Variants in OXNAD1 observed in about 807,000 individuals in gnomAD.
OXNAD1 encodes oxidoreductase NAD binding domain containing 1.
In OXNAD1, 34 loss-of-function variants were observed where a neutral mutation model predicts 32.9. That is an observed-to-expected ratio of 1.03 (90% CI 0.79 to 1.38). The LOEUF (loss-of-function observed/expected upper bound fraction) is 1.38. Among genes scored for constraint, OXNAD1 ranks in the 40% most tolerant of loss-of-function variants. The probability of loss-of-function intolerance (pLI) is 0.00; values close to 1 mark genes in which losing one functional copy is unlikely to be tolerated. For missense variants in OXNAD1, 407 were observed against 379.4 expected (o/e 1.07, Z -0.60); for synonymous variants, 134 against 135.2 (o/e 0.99, Z 0.06).
chr3:16,344,883 C>A lies in OXNAD1; in HGVS notation c.*31-4293C>A, dbSNP rs544210690. On this transcript the variant is annotated intron_variant, in intron 9 of 9. Transcript: ENST00000606098. The surrounding 1 kb of genome is among the most constrained non-coding windows in gnomAD (Gnocchi z 4.4). ...CATAACTACAAGAACACCCCCCAAC[C>A]TTTTATGCTCACTGATTTAATATAC... 2.3e-4 allele frequency among the ~76,000 whole-genome samples: 35 copies of A among 152,330 alleles called. No individual in the cohort carries two copies. Among genetic ancestry groups the A allele is most frequent in the African/African-American group, 8.4e-4 (35 of 41,568 alleles).
At chr3:16,281,125 T>C (rs1344014409) in intron 4 of OXNAD1, among the ~76,000 whole-genome samples, 2 of 152,226 alleles carry the variant, frequency 1.3e-5, no homozygotes, top group Non-Finnish European at 2.9e-5. Context: ...GTAAAATAAA[T>C]ATGTGGTCTT....
Position 16,301,737 on chromosome 3 carries a change from A to C in OXNAD1, c.544A>C (p.Asn182His). The C allele has an allele frequency of 6.2e-7, 1 of 1,614,042 alleles. No individual in the cohort carries two copies. The highest frequency in any genetic ancestry group is 8.5e-7 in the Non-Finnish European group (1 of 1,179,984). The change falls in exon 7 of 9, where the codon AAC becomes CAC. Residue 182 changes from asparagine (N) to histidine (H), a missense_variant. Physicochemically the swap from Asn to His is moderately conservative, Grantham distance 68. Coordinates refer to ENST00000285083, the MANE Select transcript of OXNAD1 (RefSeq NM_138381.5). The surrounding 1 kb of genome is among the most constrained non-coding windows in gnomAD (Gnocchi z 4.1). ...GTTGATTGCAGGAGGAGTCGGAATT[A>C]ACCCTCTGCTTTCCATCCTGCGGCA... ...LVLIAGGVGI[N>H]PLLSILRHAA... is the part of the protein sequence containing the mutation.
intron 9 of OXNAD1, among the ~76,000 whole-genome samples, chr3:16,331,984 C>T (rs924886767): frequency 2.6e-5 from 4 of 152,310 alleles, no homozygotes; most frequent in Middle Eastern, 3.4e-3. Flanking sequence ...ATAATCTATT[C>T]TGATTACTAA....
intron 9 of OXNAD1, chr3:16,323,307 G>T: frequency 8.4e-7 from 1 of 1,197,490 alleles, no homozygotes; most frequent in Non-Finnish European, 1.2e-6. Context: ...CCCCTCAAAT[G>T]CTGCAGAAAA....
intron 1 of OXNAD1, among the ~76,000 whole-genome samples, chr3:16,266,575 C>G (rs1255541662): frequency 2.1e-5 from 3 of 141,724 alleles, no homozygotes; most frequent in Non-Finnish European, 4.5e-5. Flanking sequence ...TGCACTCCAG[C>G]CTGGGCGACA....
In OXNAD1 at chr3:16,334,536, G is replaced by A. The variant is rs2070665139; in HGVS notation, c.*31-2576G>A. ...GTGCTGGATTTGTATTTAACATTATGTTTCACCCAGACAACAGCTCAGAGA... is the reference window on the plus strand; with the variant it reads ...GTGCTGGATTTGTATTTAACATTATATTTCACCCAGACAACAGCTCAGAGA... On this transcript the variant is annotated intron_variant, in intron 9 of 9. Coordinates refer to the OXNAD1 transcript ENST00000435829. The surrounding 1 kb of genome is among the most constrained non-coding windows in gnomAD (Gnocchi z 4.3). Among the ~76,000 whole-genome samples the A allele has an allele frequency of 6.6e-6, 1 of 152,178 alleles. No individual in the cohort carries two copies. The highest frequency in any genetic ancestry group is 6.5e-5 in the Admixed American group (1 of 15,268).
intron 4 of OXNAD1, among the ~76,000 whole-genome samples, chr3:16,279,630 GAGA>G (rs899203448): frequency 2.6e-5 from 4 of 152,008 alleles, no homozygotes; most frequent in African/African-American, 9.6e-5. Context: ...AAAGGAGATG[GAGA>G]AGGAGTGGCC....
downstream of OXNAD1, chr3:16,339,271 C>T (rs1318438091): frequency 6.6e-6 from 1 of 152,270 alleles, no homozygotes; most frequent in African/African-American, 2.4e-5. Flanking sequence ...GCTATGGCTA[C>T]CACAATTCTC....
In OXNAD1 at chr3:16,294,980, C is replaced by G. The variant is rs1292941804; in HGVS notation, c.415C>G (p.Leu139Val). Reference sequence around the variant, plus strand: ...GAAATATACGAACCACCCTCCTGCCCTCTGGGTTCACAATACGGTAAGCAC... The same window carrying G: ...GAAATATACGAACCACCCTCCTGCCGTCTGGGTTCACAATACGGTAAGCAC... ...AVKYTNHPPALWVHNTCTLDC... is the reference protein window; with the variant it reads ...AVKYTNHPPAVWVHNTCTLDC... Residue 139 changes from leucine (L) to valine (V), a missense_variant, in exon 6 of 9, where the codon CTC becomes GTC. Transcript: ENST00000285083. The G allele has an allele frequency of 2.5e-6, 4 of 1,612,232 alleles. No homozygotes were observed. Among genetic ancestry groups the G allele is most frequent in the Non-Finnish European group, 3.4e-6 (4 of 1,179,102 alleles).
chr3:16,323,296 C>T (rs963016062), intron 9 of OXNAD1: 5 of 1,041,912 alleles, frequency 4.8e-6, no homozygotes, highest in Admixed American at 2.0e-5. Flanking sequence ...GAGCAGGCTG[C>T]CCCCTCAAAT....
chr3:16,349,559 A>C (rs888518640), exon 10 of OXNAD1: 5 of 152,276 alleles, frequency 3.3e-5, no homozygotes, highest in Non-Finnish European at 5.9e-5. Context: ...ACGTATACAC[A>C]TACGCCATTT....
rs6777976 is a variant in OXNAD1 at position 16,286,402 on chromosome 3, C to T, written c.244C>T (p.Arg82Cys). 230,835 of 1,613,628 alleles carry T rather than the reference C, an allele frequency of 0.14. 17,216 individuals carry two copies. The highest frequency in any genetic ancestry group is 0.23 in the African/African-American group (17,282 of 74,948). The part of the protein sequence containing the change: ...ASESPSVKSL[R>C]LLVADQDFSF... ...TGAGTCACCGTCAGTGAAGAGCCTC[C>T]GCTTGCTTGTTGCTGATCAAGACTT... Residue 82 changes from arginine to cysteine, a missense_variant, in exon 5 of 9, where the codon CGC (arginine) becomes TGC (cysteine). Physicochemically the swap from Arg to Cys is radical, Grantham distance 180. Coordinates refer to ENST00000285083, the MANE Select transcript of OXNAD1 (RefSeq NM_138381.5).
Position 16,303,411 on chromosome 3 carries a change from G to T in OXNAD1, c.788G>T (p.Gly263Val). The T allele has an allele frequency of 6.2e-7, 1 of 1,613,206 alleles. No individual in the cohort carries two copies. The change falls in exon 9 of 9, where the codon GGA (glycine) becomes GTA (valine). Residue 263 changes from glycine to valine, a missense_variant. Physicochemically the swap from Gly to Val is moderately radical, Grantham distance 109. Coordinates refer to ENST00000285083, the MANE Select transcript of OXNAD1 (RefSeq NM_138381.5). This position sits in a 1 kb window ranked among gnomAD's most constrained non-coding sequence, Gnocchi z 4.8. ...NAELKPYITE[G>V]RITEKEIRDH... is the part of the protein sequence containing the mutation. ...TGTTTATTCTGGTTTTTGGTAGAAG[G>T]AAGAATAACGGAGAAGGAGATAAGA...
rs1328925688 is a variant in OXNAD1, at chr3:16,297,536, C to A, written c.432+2539C>A. Among the ~76,000 whole-genome samples the A allele has an allele frequency of 6.6e-6, 1 of 152,308 alleles. No individual in the cohort carries two copies. Among genetic ancestry groups the A allele is most frequent in the East Asian group, 1.9e-4 (1 of 5,184 alleles). The stretch of plus-strand genomic sequence containing the variant: ...AATGAAGGCTATGTTTATATAAAAG[C>A]ATAACATGAATATTTATAGCAGTTC... On this transcript the variant is annotated intron_variant, in intron 6 of 8. Transcript: ENST00000285083. The surrounding 1 kb of genome is among the most constrained non-coding windows in gnomAD (Gnocchi z 4.3).
intron 6 of OXNAD1, among the ~76,000 whole-genome samples, chr3:16,296,673 G>A (rs2066821038): frequency 6.6e-6 from 1 of 152,034 alleles, no homozygotes; most frequent in African/African-American, 2.4e-5. Flanking sequence ...TGACATATAT[G>A]GTCACTTTAT....
At position 16,345,691 on chromosome 3, in the gene OXNAD1, A is replaced by G. The variant is rs1369937827; in HGVS notation, c.*31-3485A>G. Among the ~76,000 whole-genome samples the G allele has an allele frequency of 6.6e-6, 1 of 152,098 alleles. No individual in the cohort carries two copies. Among genetic ancestry groups the G allele is most frequent in the African/African-American group, 2.4e-5 (1 of 41,406 alleles). ...CTGCTAGCTCTCAGGCCTCTGAACC[A>G]TACCACTGGCTTTCCTGGGTCTCCA... On this transcript the variant is annotated intron_variant, in intron 9 of 9. Transcript: ENST00000606098. The surrounding 1 kb of genome is among the most constrained non-coding windows in gnomAD (Gnocchi z 5.2).
In OXNAD1 at chr3:16,317,408, C is replaced by T. The variant is rs1353797892; in HGVS notation, c.*30+13816C>T. ...GAATCGCACACTATCACATCACACC[C>T]ACCCCAAGAGCCTGCACCACACCTT... On this transcript the variant is annotated intron_variant, in intron 9 of 9. Coordinates refer to the OXNAD1 transcript ENST00000435829. The surrounding 1 kb of genome is among the most constrained non-coding windows in gnomAD (Gnocchi z 4.3). 6.6e-6 allele frequency among the ~76,000 whole-genome samples: 1 copy of T among 152,078 alleles called. No individual in the cohort carries two copies. Among genetic ancestry groups the T allele is most frequent in the East Asian group, 1.9e-4 (1 of 5,170 alleles).
At chr3:16,276,515 A>ATTTTTTTTTTTTTTTTTTTTTTTTT (rs35338490) in intron 4 of OXNAD1, 1 of 143,390 alleles carries the variant, frequency 7.0e-6, no homozygotes, top group Non-Finnish European at 1.5e-5. Flanking sequence ...CAATCTTGCT[A>ATTTTTTTTTTTTTTTTTTTTTTTTT]TTTTTTTTTT....
intron 4 of OXNAD1, among the ~76,000 whole-genome samples, chr3:16,281,839 AT>A (rs1221299966): frequency 1.3e-5 from 2 of 150,040 alleles, no homozygotes; most frequent in African/African-American, 4.9e-5. Context: ...TCGAGGCTGT[AT>A]TTTAACAGAT....
Sources: gnomAD v4.1 joint callset for allele counts (sites outside exome capture counted in the v4.1 genomes callset) on GRCh38, gnomAD v4.1.1 for gene constraint, Gnocchi (gnomAD v3.1) non-coding constraint, MANE v1.5 for transcripts, NCBI Gene and HGNC (gene_info 2026-07-23, HGNC 2026-07-21) for gene names.